Variants in ZNF513 observed in about 807,000 individuals in gnomAD.
ZNF513 encodes the protein zinc finger protein 513.
A neutral mutation model predicts 39.7 loss-of-function variants in ZNF513; 16 were observed. The observed-to-expected ratio is 0.40, with a 90% CI of 0.27 to 0.61. ZNF513 has a LOEUF of 0.61. ZNF513 is among the 20% of genes least tolerant of loss of function. The pLI, the probability that ZNF513 is intolerant of heterozygous loss-of-function variation, is 0.39. For synonymous variants in ZNF513, 348 were observed against 296.5 expected, an observed-to-expected ratio of 1.17 and a Z score of -1.79; for missense variants, 699 against 743.6, an observed-to-expected ratio of 0.94 and a Z score of 0.70.
chr2:27,380,279 C>T (rs1184169981), intron 1 of ZNF513, 31 bp from the exon 2 acceptor site: 2 of 1,613,464 alleles, frequency 1.2e-6, no homozygotes, highest in African/African-American at 2.7e-5. Flanking sequence ...GTGGATTCTC[C>T]CTCAGGAACC....
Position 27,379,021 on chromosome 2 carries a change from T to A in ZNF513, c.245A>T (p.Tyr82Phe). 6.2e-7 allele frequency: 1 copy of A among 1,612,994 alleles called. No individual in the cohort carries two copies. Among genetic ancestry groups the A allele is most frequent in the Non-Finnish European group, 8.5e-7 (1 of 1,179,986 alleles). The change falls in exon 3 of 4, where the codon TAT (tyrosine) becomes TTT (phenylalanine). Residue 82 changes from tyrosine (Y) to phenylalanine (F), a missense_variant. This residue lies in a region of ZNF513 where 530 missense variants were observed against 499.3 expected (regional missense o/e 1.06). Transcript: ENST00000323703. ...CCCAGACTCATCGTCGCTCAGCCCA[T>A]AGGGAAGCCCAGGCCTGGCCCCCAG... ...DSLGARPGLP[Y>F]GLSDDESGGG...
At position 27,378,775 on chromosome 2, in the gene ZNF513, T is replaced by G. The variant is rs1369603082; in HGVS notation, c.491A>C (p.His164Pro). The change falls in exon 3 of 4, where the codon CAC becomes CCC. Residue 164 changes from histidine to proline, a missense_variant. His to Pro is a moderately conservative substitution (Grantham distance 77). Transcript: ENST00000323703. The surrounding 1 kb of genome is among the most constrained non-coding windows in gnomAD (Gnocchi z 8.0). ...LCTFVSHYSS[H>P]LKRHMQTHSG... is the part of the protein sequence containing the mutation. Reference sequence around the variant, plus strand: ...GTGTGTCTGCATGTGCCGCTTCAGGTGGCTCGAGTAGTGGGACACGAAGGT... The same window carrying G: ...GTGTGTCTGCATGTGCCGCTTCAGGGGGCTCGAGTAGTGGGACACGAAGGT... 6.2e-7 allele frequency: 1 copy of G among 1,613,974 alleles called. No homozygotes were observed. The highest frequency in any genetic ancestry group is 8.5e-7 in the Non-Finnish European group (1 of 1,179,918).
chr2:27,377,686 G>A lies in ZNF513; in HGVS notation c.1485C>T (p.Gly495=), dbSNP rs761279871. The A allele has an allele frequency of 1.9e-6, 3 of 1,614,202 alleles. No homozygotes were observed. The South Asian group carries it at 3.3e-5, about 18-fold the overall frequency. ...GACCAGGCCCTCCTGCCCCACCGTGGCCATGCACCTTCTGGTGGCGCTTGT... is the reference window on the plus strand; with the variant it reads ...GACCAGGCCCTCCTGCCCCACCGTGACCATGCACCTTCTGGTGGCGCTTGT... The part of the protein sequence containing the change: ...DNYKRHQKVH[G]HGGAGGPGLS... The change falls in exon 4 of 4, where the codon GGC becomes GGT. Residue 495 remains glycine, a synonymous_variant. Transcript: ENST00000323703. The surrounding 1 kb of genome is among the most constrained non-coding windows in gnomAD (Gnocchi z 4.4).
At position 27,380,267 on chromosome 2, in the gene ZNF513, T is replaced by C; in HGVS notation, c.56-19A>G. 1.2e-6 allele frequency: 2 copies of C among 1,613,588 alleles called. No homozygotes were observed. The highest frequency in any genetic ancestry group is 1.7e-6 in the Non-Finnish European group (2 of 1,179,862). ...GTATCCACTGAAGAGGGGAGGGGGC[T>C]TGTGGATTCTCCCTCAGGAACCAGC... is the stretch of plus-strand genomic sequence containing the variant. On this transcript the variant is annotated intron_variant, in intron 1 of 3. Coordinates refer to ENST00000323703, the MANE Select transcript of ZNF513 (RefSeq NM_144631.6).
intron 2 of ZNF513, among the ~76,000 whole-genome samples, chr2:27,379,282 G>C (rs542956323): frequency 1.2e-4 from 19 of 152,286 alleles, no homozygotes; most frequent in Non-Finnish European, 2.4e-4. Context: ...GAATTGACCT[G>C]TATCTAGTTT....
chr2:27,380,449 C>A, intron 1 of ZNF513, 23 bp downstream of exon 1: 1 of 1,591,934 alleles, frequency 6.3e-7, no homozygotes, highest in East Asian at 2.3e-5. Context: ...GCTCCTCTCC[C>A]CTCAAGGCCC....
rs1683455198 is a variant in ZNF513, at chr2:27,378,488, C to T, written c.778G>A (p.Ala260Thr). The T allele has an allele frequency of 6.8e-6, 11 of 1,614,116 alleles. No individual in the cohort carries two copies. The highest frequency in any genetic ancestry group is 8.5e-6 in the Non-Finnish European group (10 of 1,180,034). ...RPPSPTEQEG[A>T]VPRRPEDALL... is the part of the protein sequence containing the mutation. ...TTACCTTCAGGTCGCCGGGGCACCG[C>T]CCCCTCCTGCTCTGTGGGACTGGGA... is the stretch of plus-strand genomic sequence containing the variant. The change falls in exon 3 of 4, where the codon GCG (alanine) becomes ACG (threonine). Residue 260 changes from alanine to threonine, a missense_variant. Physicochemically the swap from Ala to Thr is moderately conservative, Grantham distance 58. Around this residue, in one of 3 missense-constraint regions of ZNF513, gnomAD observed 530 missense variants for 499.3 expected, o/e 1.06. Coordinates refer to ENST00000323703, the MANE Select transcript of ZNF513 (RefSeq NM_144631.6). This position sits in a 1 kb window ranked among gnomAD's most constrained non-coding sequence, Gnocchi z 8.0.
Position 27,379,000 on chromosome 2 carries a change from G to A in ZNF513, c.266C>T (p.Ser89Phe), listed in dbSNP as rs1295447863. The A allele has an allele frequency of 1.9e-6, 3 of 1,613,170 alleles. No individual in the cohort carries two copies. Among genetic ancestry groups the A allele is most frequent in the Non-Finnish European group, 2.5e-6 (3 of 1,179,986 alleles). Residue 89 changes from serine to phenylalanine, a missense_variant, in exon 3 of 4, where the codon TCT becomes TTT. Ser to Phe is a radical substitution (Grantham distance 155). Coordinates refer to ENST00000323703, the MANE Select transcript of ZNF513 (RefSeq NM_144631.6). This position sits in a 1 kb window ranked among gnomAD's most constrained non-coding sequence, Gnocchi z 8.0. ...GLPYGLSDDE[S>F]GGGRALSAES... ...CGCACTTAGTGCCCGGCCGCCCCCA[G>A]ACTCATCGTCGCTCAGCCCATAGGG...
rs999333479 is a variant in ZNF513, at chr2:27,380,632, C to G, written c.-106G>C. ...CTTCCTCTCAGGGCCCGCGGGCCGC[C>G]CCCATGCAGCGGCGCGGGCCCTGGG... On this transcript the variant is annotated 5_prime_UTR_variant, in exon 1 of 4. Coordinates refer to ENST00000323703, the MANE Select transcript of ZNF513 (RefSeq NM_144631.6). 22 of 1,442,812 alleles carry G rather than the reference C, an allele frequency of 1.5e-5. No individual in the cohort carries two copies. In the African/African-American group the frequency reaches 1.9e-4, roughly 13 times the overall value. 89.4% of individuals were successfully genotyped at this position (1,442,812 alleles called of 1,614,324 possible).
intron 2 of ZNF513, among the ~76,000 whole-genome samples, chr2:27,379,773 C>T (rs983983762): frequency 1.3e-5 from 2 of 152,166 alleles, no homozygotes; most frequent in African/African-American, 4.8e-5. Flanking sequence ...AGAGAGTTTG[C>T]TTCCCTGAAC....
Position 27,378,405 on chromosome 2 carries a change from T to A in ZNF513, c.800-34A>T. On this transcript the variant is annotated intron_variant, in intron 3 of 3. Transcript: ENST00000323703. The surrounding 1 kb of genome is among the most constrained non-coding windows in gnomAD (Gnocchi z 8.0). ...ACAAAGACCTGGGCTATGAATCCAA[T>A]CCAAGCATTCCTAGGGTCAGCCACC... 8.1e-6 allele frequency: 13 copies of A among 1,610,950 alleles called. No homozygotes were observed. The highest frequency in any genetic ancestry group is 1.1e-5 in the Non-Finnish European group (13 of 1,179,870).
Position 27,378,656 on chromosome 2 carries a change from T to G in ZNF513, c.610A>C (p.Lys204Gln). The G allele has an allele frequency of 6.2e-7, 1 of 1,613,836 alleles. No individual in the cohort carries two copies. The part of the protein sequence containing the change: ...TRHTRTHTGE[K>Q]PYRCPHCPFA... ...GGGCAGTGGGGACAGCGGTAGGGCT[T>G]CTCGCCAGTGTGGGTGCGGGTATGT... Residue 204 changes from lysine (K) to glutamine (Q), a missense_variant, in exon 3 of 4, where the codon AAG becomes CAG. This residue lies in a region of ZNF513 where 530 missense variants were observed against 499.3 expected (regional missense o/e 1.06). Transcript: ENST00000323703. The surrounding 1 kb of genome is among the most constrained non-coding windows in gnomAD (Gnocchi z 8.0).
At position 27,378,278 on chromosome 2, in the gene ZNF513, C is replaced by T; in HGVS notation, c.893G>A (p.Gly298Asp). 1.2e-6 allele frequency: 2 copies of T among 1,601,038 alleles called. No individual in the cohort carries two copies. The highest frequency in any genetic ancestry group is 1.7e-6 in the Non-Finnish European group (2 of 1,179,956). Residue 298 changes from glycine (G) to aspartate (D), a missense_variant, in exon 4 of 4, where the codon GGC becomes GAC. Physicochemically the swap from Gly to Asp is moderately conservative, Grantham distance 94. Transcript: ENST00000323703. This position sits in a 1 kb window ranked among gnomAD's most constrained non-coding sequence, Gnocchi z 8.0. ...DCGQLRGEGE[G>D]LCGTGSEPLP... Reference sequence around the variant, plus strand: ...TGGTTCTGATCCAGTCCCGCAGAGGCCCTCCCCTTCACCCCGCAGCTGCCC... The same window carrying T: ...TGGTTCTGATCCAGTCCCGCAGAGGTCCTCCCCTTCACCCCGCAGCTGCCC...
chr2:27,378,427 C>A lies in ZNF513; in HGVS notation c.799+40G>T, dbSNP rs1683449351. ...CAATCCAAGCATTCCTAGGGTCAGC[C>A]ACCCATGTCCCAAGATCTTTGGTCC... On this transcript the variant is annotated intron_variant, in intron 3 of 3. Transcript: ENST00000323703. This position sits in a 1 kb window ranked among gnomAD's most constrained non-coding sequence, Gnocchi z 8.0. 6.2e-7 allele frequency: 1 copy of A among 1,613,146 alleles called. No individual in the cohort carries two copies. The highest frequency in any genetic ancestry group is 1.1e-5 in the South Asian group (1 of 91,076).
In ZNF513 at chr2:27,379,042, C is replaced by T; in HGVS notation, c.224G>A (p.Gly75Glu). Residue 75 changes from glycine to glutamate, a missense_variant, in exon 3 of 4, where the codon GGG becomes GAG. Coordinates refer to ENST00000323703, the MANE Select transcript of ZNF513 (RefSeq NM_144631.6). ...FERDSEGDSLGARPGLPYGLS... is the reference protein window; with the variant it reads ...FERDSEGDSLEARPGLPYGLS... Reference sequence around the variant, plus strand: ...CCCATAGGGAAGCCCAGGCCTGGCCCCCAGAGAGTCTCCTGGTGAAATAGA... The same window carrying T: ...CCCATAGGGAAGCCCAGGCCTGGCCTCCAGAGAGTCTCCTGGTGAAATAGA... 6.2e-7 allele frequency: 1 copy of T among 1,612,802 alleles called. No homozygotes were observed. The highest frequency in any genetic ancestry group is 8.5e-7 in the Non-Finnish European group (1 of 1,179,926).
At position 27,380,478 on chromosome 2, in the gene ZNF513, C is replaced by G. The variant is rs1683571981; in HGVS notation, c.49G>C (p.Val17Leu). The G allele has an allele frequency of 6.3e-7, 1 of 1,587,566 alleles. No homozygotes were observed. Among genetic ancestry groups the G allele is most frequent in the African/African-American group, 1.3e-5 (1 of 74,170 alleles). Reference sequence around the variant, plus strand: ...AAGGCCCCTGACCCCTGACCTTTGACCCCCTCGCATTTCACGGGCTGCGGG... The same window carrying G: ...AAGGCCCCTGACCCCTGACCTTTGAGCCCCTCGCATTTCACGGGCTGCGGG... ...SHPQPVKCEG[V>L]KVDTEDSLDE... The change falls in exon 1 of 4, where the codon GTC (valine) becomes CTC (leucine). Residue 17 changes from valine (V) to leucine (L), a missense_variant. By Grantham distance (32) the Val-to-Leu change is conservative (BLOSUM62 1). Around this residue, in one of 3 missense-constraint regions of ZNF513, gnomAD observed 530 missense variants for 499.3 expected, o/e 1.06. Transcript: ENST00000323703.
chr2:27,380,136 G>A lies in ZNF513; in HGVS notation c.168C>T (p.Asp56=), dbSNP rs144091327. ...FEEEEEEEEG[D]GNSDQLMGFE... ...AGCCCATGAGCTGGTCACTGTTGCCGTCGCCTTCCTCCTCTTCCTCTTCCT... is the reference window on the plus strand; with the variant it reads ...AGCCCATGAGCTGGTCACTGTTGCCATCGCCTTCCTCCTCTTCCTCTTCCT... Residue 56 remains aspartate, a synonymous_variant, in exon 2 of 4, where the codon GAC becomes GAT. Transcript: ENST00000323703. 79 of 1,614,070 alleles carry A rather than the reference G, an allele frequency of 4.9e-5. No individual in the cohort carries two copies. The African/African-American group carries it at 9.9e-4, about 20-fold the overall frequency.
chr2:27,377,864 C>T lies in ZNF513; in HGVS notation c.1307G>A (p.Arg436His), dbSNP rs780220239. ...AAAAGGTTTGTCACCAGAGTGGATG[C>T]GACCATGACGCTTGAGGTTGGCCAG... ...GNLANLKRHG[R>H]IHSGDKPFRC... Residue 436 changes from arginine to histidine, a missense_variant, in exon 4 of 4, where the codon CGC becomes CAC. Arg to His is a conservative substitution (Grantham distance 29). Coordinates refer to ENST00000323703, the MANE Select transcript of ZNF513 (RefSeq NM_144631.6). This position sits in a 1 kb window ranked among gnomAD's most constrained non-coding sequence, Gnocchi z 4.4. 7 of 1,614,002 alleles carry T rather than the reference C, an allele frequency of 4.3e-6. No individual in the cohort carries two copies. Among genetic ancestry groups the T allele is most frequent in the South Asian group, 1.1e-5 (1 of 91,090 alleles).
chr2:27,379,834 G>A (rs923201091), intron 2 of ZNF513, among the ~76,000 whole-genome samples: 1 of 152,142 alleles, frequency 6.6e-6, no homozygotes, highest in Non-Finnish European at 1.5e-5. Context: ...GAGAGACAGG[G>A]CATTTACTTT....
Sources: allele counts gnomAD v4.1 joint callset (sites outside exome capture counted in the v4.1 genomes callset), GRCh38; gene constraint gnomAD v4.1.1; regional missense constraint gnomAD v4.1.1; non-coding constraint Gnocchi (gnomAD v3.1); transcripts MANE v1.5; gene names NCBI Gene and HGNC (gene_info 2026-07-23, HGNC 2026-07-21).